The following WWOX variants were observed in gnomAD, a reference collection of about 807,000 sequenced individuals.
WWOX encodes the protein WW domain containing oxidoreductase.
In WWOX, 69 loss-of-function variants were observed where a neutral mutation model predicts 46.2. The ratio of observed to expected loss-of-function variants is 1.49; its 90% CI spans 1.23 to 1.82. WWOX has a LOEUF of 1.82. Ranked by LOEUF, WWOX falls within the 40% of genes most tolerant of loss-of-function variation. The pLI is 0.00. For missense variants in WWOX, 919 were observed against 542.6 expected (o/e 1.69, Z -6.89); for synonymous variants, 359 against 202.6 (o/e 1.77, Z -6.56).
intron 3 of WWOX, among the ~76,000 whole-genome samples, chr16:78,114,701 T>C (rs1410482826): frequency 6.6e-6 from 1 of 152,082 alleles, no homozygotes; most frequent in African/African-American, 2.4e-5. Flanking sequence ...GAAGCCTTTT[T>C]TGAGATCTAA....
chr16:78,459,604 G>A (rs1277922801), intron 8 of WWOX, among the ~76,000 whole-genome samples: 2 of 152,040 alleles, frequency 1.3e-5, no homozygotes, highest in Non-Finnish European at 2.9e-5. Flanking sequence ...CTTTTTATGA[G>A]GCAAAATCTA....
At chr16:78,235,946 C>T (rs539605050) in intron 5 of WWOX, among the ~76,000 whole-genome samples, 1 of 152,308 alleles carries the variant, frequency 6.6e-6, no homozygotes, top group African/African-American at 2.4e-5. Context: ...GCTGGATAGT[C>T]AATATTTTTA....
chr16:79,119,187 C>T (rs1259770314), intron 8 of WWOX, among the ~76,000 whole-genome samples: 1 of 124,052 alleles, frequency 8.1e-6, no homozygotes, highest in Non-Finnish European at 1.6e-5. Context: ...ATTGAGTGCT[C>T]ATTAAAAAAA....
chr16:78,362,599 ACT>A (rs1331948212), intron 5 of WWOX, among the ~76,000 whole-genome samples: 1 of 151,852 alleles, frequency 6.6e-6, no homozygotes, highest in Non-Finnish European at 1.5e-5. Context: ...ATGGAGCAAG[ACT>A]CTATCTACCC....
chr16:78,452,878 T>TATATATATATATATATACAC (rs752791786), intron 8 of WWOX, among the ~76,000 whole-genome samples: 3 of 143,020 alleles, frequency 2.1e-5, no homozygotes, highest in Non-Finnish European at 3.0e-5. Flanking sequence ...TATATATATA[T>TATATATATATATATATACAC]ATACATATTT....
intron 5 of WWOX, among the ~76,000 whole-genome samples, chr16:78,369,099 T>C (rs539748703): frequency 1.1e-4 from 16 of 152,242 alleles, no homozygotes; most frequent in African/African-American, 3.6e-4. Flanking sequence ...GTTTGTTTTC[T>C]CATTGAACTT....
At chr16:78,724,430 G>GGCTTTTAGCACATTGCACCCCCA (rs1168027343) in intron 8 of WWOX, among the ~76,000 whole-genome samples, 4 of 152,074 alleles carry the variant, frequency 2.6e-5, no homozygotes, top group Non-Finnish European at 4.4e-5. Flanking sequence ...TAAGGTAAAT[G>GGCTTTTAGCACATTGCACCCCCA]GCTTTTAGCA....
At chr16:78,504,840 A>G (rs1266411360) in intron 8 of WWOX, among the ~76,000 whole-genome samples, 2 of 152,120 alleles carry the variant, frequency 1.3e-5, no homozygotes, top group African/African-American at 2.4e-5. Flanking sequence ...CAACAGCTGG[A>G]TTATTTACTT....
At chr16:79,101,535 G>T (rs1047672824) in intron 8 of WWOX, 3 of 152,078 alleles carry the variant, frequency 2.0e-5, no homozygotes, top group East Asian at 1.9e-4. Context: ...AGTTTAAGTG[G>T]GTCTACAGTG....
At chr16:78,995,962 G>A (rs1295018132) in intron 8 of WWOX, among the ~76,000 whole-genome samples, 2 of 152,164 alleles carry the variant, frequency 1.3e-5, no homozygotes, top group African/African-American at 4.8e-5. Flanking sequence ...ATTGCTGTAA[G>A]TTGCAGGGAA....
chr16:79,178,417 A>G (rs545268181), intron 8 of WWOX, among the ~76,000 whole-genome samples: 2 of 152,096 alleles, frequency 1.3e-5, no homozygotes, highest in African/African-American at 2.4e-5. Flanking sequence ...CCTGGGATCA[A>G]GCAGTCTTCT....
At chr16:78,995,196 C>G (rs2046965732) in intron 8 of WWOX, among the ~76,000 whole-genome samples, 2 of 151,984 alleles carry the variant, frequency 1.3e-5, no homozygotes, top group Admixed American at 1.3e-4. Context: ...CTTCTCTCTG[C>G]TTGCATTCTT....
chr16:78,402,096 A>T (rs182040809), intron 6 of WWOX, among the ~76,000 whole-genome samples: 1 of 152,114 alleles, frequency 6.6e-6, no homozygotes, highest in African/African-American at 2.4e-5. Flanking sequence ...CAATTTCATC[A>T]CTCCAAAAAG....
intron 8 of WWOX, among the ~76,000 whole-genome samples, chr16:78,793,823 C>A (rs955742060): frequency 1.3e-5 from 2 of 151,942 alleles, no homozygotes; most frequent in African/African-American, 4.8e-5. Flanking sequence ...CGTCTGTAAT[C>A]CCAGCACGTT....
intron 6 of WWOX, among the ~76,000 whole-genome samples, chr16:78,399,143 G>A (rs1452146412): frequency 1.3e-5 from 2 of 152,120 alleles, no homozygotes; most frequent in African/African-American, 4.8e-5. Context: ...ATGGGTGGCT[G>A]GCTGGCTAGA....
At chr16:78,133,618 A>G (rs1046396305) in intron 4 of WWOX, among the ~76,000 whole-genome samples, 2 of 152,062 alleles carry the variant, frequency 1.3e-5, no homozygotes, top group African/African-American at 4.8e-5. Flanking sequence ...CTGGTCTGGA[A>G]CTCCTGACCT....
intron 8 of WWOX, among the ~76,000 whole-genome samples, chr16:78,510,674 A>G (rs916953602): frequency 6.6e-6 from 1 of 152,236 alleles, no homozygotes; most frequent in African/African-American, 2.4e-5. Flanking sequence ...TTTACAATAA[A>G]GAATGTTGTT....
In WWOX at chr16:78,628,527, A is replaced by G. The variant is rs1048182039; in HGVS notation, c.1056+195775A>G. On this transcript the variant is annotated intron_variant, in intron 8 of 8. Transcript: ENST00000566780. ...ACTTGCCAGCTCCTTAAGGATAAGA[A>G]CTATATTTTCTTCCTTTTTTTGTAT... 3.9e-5 allele frequency among the ~76,000 whole-genome samples: 6 copies of G among 152,196 alleles called. No individual in the cohort carries two copies. The East Asian group carries it at 1.2e-3, about 29-fold the overall frequency.
In WWOX at chr16:78,208,260, AC is replaced by A. The variant is rs1373667876; in HGVS notation, c.516+43972del. 2.6e-5 allele frequency among the ~76,000 whole-genome samples: 4 copies of A among 152,366 alleles called. No individual in the cohort carries two copies. The South Asian group carries it at 6.2e-4, about 24-fold the overall frequency. On this transcript the variant is annotated intron_variant, in intron 5 of 8. Transcript: ENST00000566780. The stretch of plus-strand genomic sequence containing the variant: ...AATTACCAAAAAGCTGTCTTTGATA[AC>A]AATGTAGGAGATAACGAAGGCAGAA...
Sources: allele counts gnomAD v4.1 joint callset (sites outside exome capture counted in the v4.1 genomes callset), GRCh38; gene constraint gnomAD v4.1.1; transcripts MANE v1.5; gene names NCBI Gene and HGNC (gene_info 2026-07-23, HGNC 2026-07-21).